Variants in TMPRSS9 observed in about 807,000 individuals in gnomAD.
TMPRSS9 encodes transmembrane protease serine 9.
A neutral mutation model predicts 111.4 loss-of-function variants in TMPRSS9; 113 were observed. That is an observed-to-expected ratio of 1.01 (90% CI 0.87 to 1.19). The LOEUF is 1.19. TMPRSS9 is among the 50% of genes most tolerant of loss of function. The pLI is 0.00. For missense variants in TMPRSS9, 1,803 were observed against 1,513.1 expected (o/e 1.19, Z -3.18); for synonymous variants, 805 against 659.1 (o/e 1.22, Z -3.39).
At position 2,403,206 on chromosome 19, in the gene TMPRSS9, C is replaced by T; in HGVS notation, c.670+11C>T. The T allele has an allele frequency of 1.3e-6, 2 of 1,593,554 alleles. No homozygotes were observed. Among genetic ancestry groups the T allele is most frequent in the East Asian group, 2.3e-5 (1 of 44,262 alleles). On this transcript the variant is annotated intron_variant, in intron 6 of 17. Coordinates refer to ENST00000648592, the Ensembl canonical transcript of TMPRSS9. ...ACGAGGCGCACTGCGGTCAGTCTGC[C>T]TGTCTGGCCTGGTCTCTGGGCCCCT... is the stretch of plus-strand genomic sequence containing the variant.
At chr19:2,383,511 A>C (rs1485137341) in intron 1 of TMPRSS9, among the ~76,000 whole-genome samples, 1 of 150,928 alleles carries the variant, frequency 6.6e-6, no homozygotes, top group Non-Finnish European at 1.5e-5. Context: ...CGATTTTTAA[A>C]ATTTTCTTAG....
rs182259158 is a variant in TMPRSS9 at position 2,381,670 on chromosome 19, G to A, written c.-25-8091G>A. Among the ~76,000 whole-genome samples the A allele has an allele frequency of 3.6e-3, 549 of 151,998 alleles. 9 individuals carry two copies. Among genetic ancestry groups the A allele is most frequent in the East Asian group, 0.017 (89 of 5,164 alleles). Reference sequence around the variant, plus strand: ...CTGGTACATCTCTCCTTTCTCATTGGCTCTGGATGGTAGCGGCCAGGCATG... The same window carrying A: ...CTGGTACATCTCTCCTTTCTCATTGACTCTGGATGGTAGCGGCCAGGCATG... On this transcript the variant is annotated intron_variant, in intron 1 of 17. Coordinates refer to the TMPRSS9 transcript ENST00000649857.
chr19:2,390,231 G>GTTTTTTTTT lies in TMPRSS9; in HGVS notation c.142+307_142+315dup, dbSNP rs1198106187. ...GCAAATCAGCAAAATACCCAAAGTA[G>GTTTTTTTTT]TTTTTTTTTTTGTTTTTTTTTTTTT... is the stretch of plus-strand genomic sequence containing the variant. On this transcript the variant is annotated intron_variant, in intron 1 of 17. Coordinates refer to ENST00000648592, the Ensembl canonical transcript of TMPRSS9. Among the ~76,000 whole-genome samples, 35 of 110,590 alleles carry GTTTTTTTTT rather than the reference G, an allele frequency of 3.2e-4. 6 individuals are homozygous for GTTTTTTTTT. Among genetic ancestry groups the GTTTTTTTTT allele is most frequent in the African/African-American group, 1.1e-3 (31 of 27,946 alleles). The allele number at this position is 110,590 out of a possible 152,430, so 72.6% of individuals were successfully genotyped here.
chr19:2,423,559 ACAG>A (rs1051124547), intron 14 of TMPRSS9, among the ~76,000 whole-genome samples: 1 of 151,958 alleles, frequency 6.6e-6, no homozygotes, highest in African/African-American at 2.4e-5. Context: ...GCCTCTGGAG[ACAG>A]CAGGTGGGTA....
chr19:2,405,406 G>A lies in TMPRSS9; in HGVS notation c.703G>A (p.Gly235Ser), dbSNP rs200531836. ...CTTGCAGCCTGCCTGGAGGATGGCC[G>A]GCAGGATCGTGGGCGGCATGGAAGC... The change falls in exon 7 of 18, where the codon GGC becomes AGC. Residue 235 changes from glycine (G) to serine (S), a missense_variant. Physicochemically the swap from Gly to Ser is moderately conservative, Grantham distance 56 (BLOSUM62 0). Transcript: ENST00000648592. 195 of 1,605,228 alleles carry A rather than the reference G, an allele frequency of 1.2e-4. 2 individuals are homozygous for A. The East Asian group carries it at 1.4e-3, about 11-fold the overall frequency.
chr19:2,412,799 G>T (rs928715649), intron 9 of TMPRSS9, among the ~76,000 whole-genome samples: 2 of 152,160 alleles, frequency 1.3e-5, no homozygotes, highest in African/African-American at 4.8e-5. Flanking sequence ...CCTGGTGGGT[G>T]AGGAAAAGAT....
chr19:2,385,312 T>C (rs997669053), upstream of TMPRSS9, among the ~76,000 whole-genome samples: 2 of 152,028 alleles, frequency 1.3e-5, no homozygotes, highest in African/African-American at 4.8e-5. Context: ...GTTACATCCC[T>C]CAGGGGCCGA....
chr19:2,413,252 A>T (rs1396238690), intron 9 of TMPRSS9, among the ~76,000 whole-genome samples: 1 of 152,072 alleles, frequency 6.6e-6, no homozygotes, highest in Non-Finnish European at 1.5e-5. Context: ...GGTGAACTGG[A>T]TATGGGAAGG....
intron 1 of TMPRSS9, among the ~76,000 whole-genome samples, chr19:2,361,201 G>C (rs1249566379): frequency 3.4e-5 from 2 of 58,442 alleles, no homozygotes; most frequent in East Asian, 5.5e-4. Context: ...GGAGGCTGGG[G>C]TGGGAGGTGG....
intron 15 of TMPRSS9, 79 bp downstream of exon 16, chr19:2,424,336 C>A: frequency 7.9e-7 from 1 of 1,260,678 alleles, no homozygotes; most frequent in East Asian, 3.1e-5. Flanking sequence ...AAAACGCACC[C>A]TGACCCCCTC....
chr19:2,413,819 C>G, exon 10 of TMPRSS9: 1 of 1,613,806 alleles, frequency 6.2e-7, no homozygotes, highest in Non-Finnish European at 8.5e-7. Flanking sequence ...ATGCCCGAGT[C>G]ACCAGGCTAC....
At chr19:2,364,461 T>G (rs1381452904) in intron 1 of TMPRSS9, among the ~76,000 whole-genome samples, 1 of 152,126 alleles carries the variant, frequency 6.6e-6, no homozygotes. Flanking sequence ...TTGATCAGGC[T>G]GGTCTTGAAT....
At position 2,418,325 on chromosome 19, in the gene TMPRSS9, C is replaced by CCTTTTCCTTT. The variant is rs1971320292; in HGVS notation, c.2154+188_2154+189insTTTTCCTTTC. 8.8e-5 allele frequency among the ~76,000 whole-genome samples: 3 copies of CCTTTTCCTTT among 34,246 alleles called. No individual in the cohort carries two copies. The African/African-American group carries it at 1.0e-3, about 12-fold the overall frequency. The allele number at this position is 34,246 out of a possible 152,430, so 22.5% of individuals were successfully genotyped here. Reference sequence around the variant, plus strand: ...CCTCCCTTTCCCTCCCTCCCTCCCTCCCTCCCTTTCCTTCCCTCCCTTTCC... The same window carrying CCTTTTCCTTT: ...CCTCCCTTTCCCTCCCTCCCTCCCTCCTTTTCCTTTCCTCCCTTTCCTTCCCTCCCTTTCC... On this transcript the variant is annotated intron_variant, in intron 13 of 17. Transcript: ENST00000648592.
intron 1 of TMPRSS9, among the ~76,000 whole-genome samples, chr19:2,375,572 C>G (rs757618111): frequency 4.2e-3 from 516 of 122,864 alleles, no homozygotes; most frequent in African/African-American, 0.015. Context: ...CTGTGATTGG[C>G]AGGCCAGGGT....
intron 1 of TMPRSS9, among the ~76,000 whole-genome samples, chr19:2,370,205 C>CA (rs1362054383): frequency 2.0e-5 from 3 of 150,524 alleles, no homozygotes; most frequent in South Asian, 2.1e-4. Context: ...GACTTCATTT[C>CA]AAAAAAATAT....
chr19:2,415,514 G>A (rs535852988), intron 10 of TMPRSS9, among the ~76,000 whole-genome samples, 156 bp from the exon 12 acceptor site: 7 of 152,070 alleles, frequency 4.6e-5, no homozygotes, highest in Admixed American at 6.6e-5. Context: ...GGCAAACTAC[G>A]GACACCTTGA....
chr19:2,389,576 C>T (rs1481675176), upstream of TMPRSS9, among the ~76,000 whole-genome samples: 1 of 151,986 alleles, frequency 6.6e-6, no homozygotes, highest in Non-Finnish European at 1.5e-5. Context: ...CCATGTTGGC[C>T]GGGCTGATCT....
At chr19:2,404,596 A>G (rs1970929986) in intron 6 of TMPRSS9, among the ~76,000 whole-genome samples, 1 of 152,030 alleles carries the variant, frequency 6.6e-6, no homozygotes, top group East Asian at 1.9e-4. Context: ...GATAGAAGAT[A>G]CAAAGGAAAA....
Position 2,377,983 on chromosome 19 carries a change from T to C in TMPRSS9, c.-25-11778T>C, listed in dbSNP as rs891021614. On this transcript the variant is annotated intron_variant, in intron 1 of 17. Coordinates refer to the TMPRSS9 transcript ENST00000649857. ...TCTCCTGGGCTCGAGTGATGAACCC[T>C]CCCACCTCAGCCTCCTGAGTAGCTG... 9.9e-5 allele frequency among the ~76,000 whole-genome samples: 15 copies of C among 151,760 alleles called. No individual in the cohort carries two copies. In the Admixed American group the frequency reaches 9.9e-4, roughly 10 times the overall value.
Sources: gnomAD v4.1 joint callset for allele counts (sites outside exome capture counted in the v4.1 genomes callset) on GRCh38, gnomAD v4.1.1 for gene constraint, MANE v1.5 for transcripts, NCBI Gene and HGNC (gene_info 2026-07-23, HGNC 2026-07-21) for gene names.